NBEAL1: variants seen among roughly 807,000 people sequenced by gnomAD.
The protein encoded by NBEAL1 is neurobeachin-like protein 1.
A neutral mutation model predicts 351.3 loss-of-function variants in NBEAL1; 273 were observed. That is an observed-to-expected ratio of 0.78 (90% CI 0.70 to 0.86). The LOEUF (loss-of-function observed/expected upper bound fraction) is 0.86. NBEAL1 is among the 40% of genes least tolerant of loss of function. The probability of loss-of-function intolerance (pLI) is 0.00; values close to 1 mark genes in which losing one functional copy is unlikely to be tolerated. For missense variants in NBEAL1, 2,961 were observed against 3,201.3 expected, an observed-to-expected ratio of 0.92 and a Z score of 1.81; for synonymous variants, 1,050 against 1,086.4, an observed-to-expected ratio of 0.97 and a Z score of 0.66.
intron 24 of NBEAL1, among the ~76,000 whole-genome samples, chr2:203,128,757 C>T (rs1303041121): frequency 2.0e-5 from 3 of 151,884 alleles, no homozygotes; most frequent in Non-Finnish European, 2.9e-5. Context: ...AGCATCACAC[C>T]CAGCTAAGTT....
At chr2:203,085,845 C>G (rs1274997682) in intron 10 of NBEAL1, 1 of 151,954 alleles carries the variant, frequency 6.6e-6, no homozygotes, top group East Asian at 1.9e-4. Context: ...GTAATAATTC[C>G]CATACTTCCT....
Position 203,095,477 on chromosome 2 carries a change from G to A in NBEAL1, c.1099-2070G>A, listed in dbSNP as rs960386609. 6.6e-5 allele frequency among the ~76,000 whole-genome samples: 10 copies of A among 151,988 alleles called. No individual in the cohort carries two copies. In the South Asian group the frequency reaches 1.9e-3, roughly 28 times the overall value. ...TCCCTGCTAATTTTGTATTTTTAGT[G>A]GAGACGGGGTTTCCCCATGTTGAGG... On this transcript the variant is annotated intron_variant, in intron 10 of 55. Transcript: ENST00000683969.
At chr2:203,162,891 C>T (rs1235600480) in intron 36 of NBEAL1, among the ~76,000 whole-genome samples, 3 of 152,122 alleles carry the variant, frequency 2.0e-5, no homozygotes, top group South Asian at 2.1e-4. Flanking sequence ...CGGTGGCTCA[C>T]GCCTGCAGTC....
At chr2:203,124,556 TACA>T (rs2062898377) in intron 19 of NBEAL1, among the ~76,000 whole-genome samples, 2 of 152,238 alleles carry the variant, frequency 1.3e-5, no homozygotes, top group African/African-American at 4.8e-5. Flanking sequence ...ATGTGTATCC[TACA>T]ACATTATTTT....
chr2:203,142,607 T>C (rs1242667408), intron 31 of NBEAL1, among the ~76,000 whole-genome samples: 4 of 152,228 alleles, frequency 2.6e-5, no homozygotes, highest in Admixed American at 6.5e-5. Flanking sequence ...TAAAAGTACC[T>C]TGGTACTTTT....
intron 37 of NBEAL1, 87 bp from the exon 38 acceptor site, chr2:203,167,140 C>G: frequency 1.6e-6 from 2 of 1,280,188 alleles, no homozygotes; most frequent in East Asian, 2.4e-5. Context: ...TTTCCTAAAA[C>G]CTTTTGTCAA....
At chr2:203,049,769 C>T in intron 3 of NBEAL1, 45 bp from the exon 4 acceptor site, 1 of 1,456,654 alleles carries the variant, frequency 6.9e-7, no homozygotes, top group Non-Finnish European at 9.2e-7. Context: ...AGATTTTCTT[C>T]TTGTATTTCA....
intron 4 of NBEAL1, among the ~76,000 whole-genome samples, chr2:203,052,783 G>A (rs775024152): frequency 3.3e-5 from 5 of 150,194 alleles, no homozygotes; most frequent in Non-Finnish European, 5.9e-5. Flanking sequence ...AAGGGGTTTC[G>A]CCATGTTGCT....
In NBEAL1 at chr2:203,033,958, C is replaced by G. The variant is rs149798713; in HGVS notation, c.52-7807C>G. 3.9e-4 allele frequency among the ~76,000 whole-genome samples: 60 copies of G among 152,228 alleles called. 1 individual carries two copies. The highest frequency in any genetic ancestry group is 6.8e-3 in the Middle Eastern group (2 of 294). On this transcript the variant is annotated intron_variant, in intron 2 of 55. Coordinates refer to ENST00000683969, the MANE Select transcript of NBEAL1 (RefSeq NM_001378026.1). ...ATTTGGGACTACACATTTACCCCCC[C>G]ACCCTTGACAGAATCAATAACTCCC...
intron 6 of NBEAL1, among the ~76,000 whole-genome samples, chr2:203,065,117 G>A (rs2061559723): frequency 6.6e-6 from 1 of 151,976 alleles, no homozygotes; most frequent in Admixed American, 6.6e-5. Flanking sequence ...AAATTAACTG[G>A]GTATGGTGGC....
intron 51 of NBEAL1, among the ~76,000 whole-genome samples, chr2:203,205,061 C>T (rs2065515311): frequency 6.6e-6 from 1 of 152,064 alleles, no homozygotes; most frequent in African/African-American, 2.4e-5. Flanking sequence ...GCATCCCCGC[C>T]TTATATCTAA....
chr2:203,177,150 CAA>C (rs201081239), intron 42 of NBEAL1, among the ~76,000 whole-genome samples: 29 of 60,334 alleles, frequency 4.8e-4, no homozygotes, highest in East Asian at 8.4e-4. Context: ...AGCTCTATCT[CAA>C]AAAAAAAAAA....
chr2:203,131,678 C>G lies in NBEAL1; in HGVS notation c.3565-295C>G, dbSNP rs747818899. On this transcript the variant is annotated intron_variant, in intron 25 of 55. Transcript: ENST00000683969. ...TGACTTTTCACACATGTCTGCAATT[C>G]AAAAAATTGCAACCTCCGGCATAAA... 9.9e-5 allele frequency among the ~76,000 whole-genome samples: 15 copies of G among 152,182 alleles called. No homozygotes were observed. In the East Asian group the frequency reaches 1.7e-3, roughly 18 times the overall value.
chr2:203,204,254 AAAC>A (rs1016690947), intron 51 of NBEAL1, among the ~76,000 whole-genome samples: 1 of 150,906 alleles, frequency 6.6e-6, no homozygotes, highest in Non-Finnish European at 1.5e-5. Context: ...TAAAAAAAAA[AAAC>A]AACTCCATTT....
chr2:203,184,524 G>A (rs879263162), intron 44 of NBEAL1, among the ~76,000 whole-genome samples: 1 of 152,090 alleles, frequency 6.6e-6, no homozygotes, highest in African/African-American at 2.4e-5. Context: ...GTTGGTTATT[G>A]TGTTGCTATC....
intron 3 of NBEAL1, among the ~76,000 whole-genome samples, chr2:203,043,685 T>C (rs1295834574): frequency 1.3e-5 from 2 of 148,548 alleles, no homozygotes; most frequent in East Asian, 4.0e-4. Flanking sequence ...GCTGTGATCG[T>C]GCCACTGCAC....
chr2:203,101,131 A>C (rs1370512534), intron 12 of NBEAL1, among the ~76,000 whole-genome samples: 1 of 151,676 alleles, frequency 6.6e-6, no homozygotes, highest in African/African-American at 2.4e-5. Flanking sequence ...AATCTTTGCC[A>C]GGTCCTATTT....
At chr2:203,215,044 C>G (rs1490001208) in intron 55 of NBEAL1, among the ~76,000 whole-genome samples, 3 of 152,044 alleles carry the variant, frequency 2.0e-5, no homozygotes, top group Admixed American at 2.0e-4. Flanking sequence ...TTTTATCACT[C>G]CAATAAATAT....
rs1320437911 is a variant in NBEAL1 at position 203,112,064 on chromosome 2, T to C, written c.2168T>C (p.Val723Ala). The C allele has an allele frequency of 6.4e-7, 1 of 1,552,492 alleles. No individual in the cohort carries two copies. The highest frequency in any genetic ancestry group is 8.7e-7 in the Non-Finnish European group (1 of 1,147,172). The change falls in exon 16 of 56, where the codon GTT becomes GCT. Residue 723 changes from valine to alanine, a missense_variant. Physicochemically the swap from Val to Ala is moderately conservative, Grantham distance 64. Coordinates refer to ENST00000683969, the MANE Select transcript of NBEAL1 (RefSeq NM_001378026.1). The stretch of plus-strand genomic sequence containing the variant: ...ATCTATGACAATGGACAACAGAAGG[T>C]TTCTGCCCCTCTCAGATTTCCTGCC... ...VYIYDNGQQKVSAPLRFPAMN... is the reference protein window; with the variant it reads ...VYIYDNGQQKASAPLRFPAMN...
Sources: gnomAD v4.1 joint callset for allele counts (sites outside exome capture counted in the v4.1 genomes callset) on GRCh38, gnomAD v4.1.1 for gene constraint, MANE v1.5 for transcripts, NCBI Gene and HGNC (gene_info 2026-07-23, HGNC 2026-07-21) for gene names.